ZNF385D: variants seen among roughly 807,000 people sequenced by gnomAD.
ZNF385D encodes the protein zinc finger protein 659.
ZNF385D carries 15 observed loss-of-function variants against 35.8 expected under a neutral mutation model. That is an observed-to-expected ratio of 0.42 (90% CI 0.28 to 0.64). ZNF385D has a LOEUF of 0.64. ZNF385D is among the 30% of genes least tolerant of loss of function. The pLI, the probability that ZNF385D is intolerant of heterozygous loss-of-function variation, is 0.23. For synonymous variants in ZNF385D, 212 were observed against 186.8 expected (o/e 1.13, Z -1.10); for missense variants, 474 against 494.6 (o/e 0.96, Z 0.39).
chr3:22,345,922 T>C (rs1448734988), intron 2 of ZNF385D, among the ~76,000 whole-genome samples: 1 of 152,164 alleles, frequency 6.6e-6, no homozygotes, highest in Non-Finnish European at 1.5e-5. Flanking sequence ...GTTCTAGTGC[T>C]CCCATGGCTT....
At chr3:21,481,585 C>T (rs114920452) in intron 4 of ZNF385D, among the ~76,000 whole-genome samples, 1,967 of 152,116 alleles carry the variant, frequency 0.013, 34 homozygotes, top group African/African-American at 0.045. Context: ...GCTGGAGTGC[C>T]GTGTGTGATA....
intron 2 of ZNF385D, among the ~76,000 whole-genome samples, chr3:22,179,228 T>C (rs935070452): frequency 2.6e-5 from 4 of 152,210 alleles, no homozygotes; most frequent in Non-Finnish European, 5.9e-5. Context: ...CATGGAATGG[T>C]CTTCCATTTG....
At chr3:22,348,103 C>G (rs1430316931) in intron 2 of ZNF385D, among the ~76,000 whole-genome samples, 3 of 152,040 alleles carry the variant, frequency 2.0e-5, no homozygotes, top group African/African-American at 7.2e-5. Context: ...ACCTGTCTTT[C>G]AAGGAGCCTA....
At chr3:21,981,852 T>C (rs964115953) in intron 3 of ZNF385D, among the ~76,000 whole-genome samples, 1 of 152,158 alleles carries the variant, frequency 6.6e-6, no homozygotes, top group Non-Finnish European at 1.5e-5. Flanking sequence ...TTGTCAGCTT[T>C]GTTGACGATC....
At chr3:22,060,514 A>C (rs1699635362) in intron 3 of ZNF385D, among the ~76,000 whole-genome samples, 1 of 152,202 alleles carries the variant, frequency 6.6e-6, no homozygotes, top group Non-Finnish European at 1.5e-5. Context: ...CTTTGTCAAT[A>C]AGTTTTCATT....
At chr3:22,115,770 C>T (rs766092920) in intron 3 of ZNF385D, among the ~76,000 whole-genome samples, 1 of 152,052 alleles carries the variant, frequency 6.6e-6, no homozygotes, top group African/African-American at 2.4e-5. Flanking sequence ...AGTCATATGA[C>T]CTCTGAAGCA....
chr3:21,671,877 T>C (rs558136475), intron 1 of ZNF385D, among the ~76,000 whole-genome samples: 1 of 152,308 alleles, frequency 6.6e-6, no homozygotes, highest in Non-Finnish European at 1.5e-5. Flanking sequence ...TGGCACTGCC[T>C]TATATTTGAA....
At chr3:22,344,841 G>T (rs1004550560) in intron 2 of ZNF385D, among the ~76,000 whole-genome samples, 2 of 152,094 alleles carry the variant, frequency 1.3e-5, no homozygotes, top group Admixed American at 6.6e-5. Flanking sequence ...CCTTTTGTAG[G>T]TCTATGATTT....
chr3:21,905,610 T>G (rs1476763845), intron 3 of ZNF385D, among the ~76,000 whole-genome samples: 1 of 151,954 alleles, frequency 6.6e-6, no homozygotes, highest in Non-Finnish European at 1.5e-5. Flanking sequence ...ATATAAAATT[T>G]GGACATAAGG....
At chr3:22,343,663 C>CTA (rs1245844800) in intron 2 of ZNF385D, among the ~76,000 whole-genome samples, 1 of 152,240 alleles carries the variant, frequency 6.6e-6, no homozygotes, top group African/African-American at 2.4e-5. Context: ...CTCATTGACC[C>CTA]TATAAGCTAC....
At chr3:21,540,212 G>GA (rs2062138975) in intron 3 of ZNF385D, among the ~76,000 whole-genome samples, 1 of 152,110 alleles carries the variant, frequency 6.6e-6, no homozygotes, top group Non-Finnish European at 1.5e-5. Flanking sequence ...GGCAAAAGCA[G>GA]AATAATAACA....
chr3:22,093,027 G>C (rs1213217729), intron 3 of ZNF385D, among the ~76,000 whole-genome samples: 1 of 152,114 alleles, frequency 6.6e-6, no homozygotes, highest in Non-Finnish European at 1.5e-5. Context: ...GAGCAGGAAG[G>C]TCATAGCTCC....
chr3:21,649,389 AT>A (rs1175523590), intron 2 of ZNF385D, among the ~76,000 whole-genome samples: 1 of 152,124 alleles, frequency 6.6e-6, no homozygotes, highest in Non-Finnish European at 1.5e-5. Context: ...GTCATCATAG[AT>A]TGATGTCCCC....
intron 2 of ZNF385D, among the ~76,000 whole-genome samples, chr3:22,261,152 T>G (rs777706925): frequency 7.2e-5 from 11 of 151,888 alleles, no homozygotes; most frequent in Admixed American, 2.0e-4. Context: ...TTTCTACTCA[T>G]CTACTTATAG....
chr3:22,177,546 G>C (rs1694918570), intron 2 of ZNF385D, among the ~76,000 whole-genome samples: 1 of 152,140 alleles, frequency 6.6e-6, no homozygotes, highest in Non-Finnish European at 1.5e-5. Flanking sequence ...TGTGAAGTTT[G>C]AGAAGAGAGA....
intron 3 of ZNF385D, among the ~76,000 whole-genome samples, chr3:22,094,395 T>TAG: frequency 7.3e-6 from 1 of 136,334 alleles, no homozygotes; most frequent in Admixed American, 7.3e-5. Context: ...GATATATATA[T>TAG]ATATATATAT....
intron 2 of ZNF385D, among the ~76,000 whole-genome samples, chr3:21,653,758 G>A (rs924671796): frequency 6.6e-6 from 1 of 151,574 alleles, no homozygotes; most frequent in Non-Finnish European, 1.5e-5. Context: ...AAAAAAGTAA[G>A]TAGAACTATC....
intron 3 of ZNF385D, among the ~76,000 whole-genome samples, chr3:22,067,205 C>T (rs1700003127): frequency 6.6e-6 from 1 of 152,206 alleles, no homozygotes; most frequent in African/African-American, 2.4e-5. Flanking sequence ...GTTTATATCA[C>T]TGGCTTCAAA....
chr3:22,110,536 G>T (rs1702464304), intron 3 of ZNF385D, among the ~76,000 whole-genome samples: 1 of 151,764 alleles, frequency 6.6e-6, no homozygotes, highest in Non-Finnish European at 1.5e-5. Context: ...ACTATCACAA[G>T]GACAAAAAAC....
Sources: gnomAD v4.1 joint callset for allele counts (sites outside exome capture counted in the v4.1 genomes callset) on GRCh38, gnomAD v4.1.1 for gene constraint, MANE v1.5 for transcripts, NCBI Gene and HGNC (gene_info 2026-07-23, HGNC 2026-07-21) for gene names.